The following MEI1 variants were observed in gnomAD, a reference collection of about 807,000 sequenced individuals.
MEI1 encodes meiotic double-stranded break formation protein 1.
A neutral mutation model predicts 146.2 loss-of-function variants in MEI1; 103 were observed. That is an observed-to-expected ratio of 0.70 (90% CI 0.60 to 0.83). MEI1 has a LOEUF of 0.83. Among genes scored for constraint, MEI1 ranks in the 40% least tolerant of loss-of-function variants. The probability of loss-of-function intolerance (pLI) is 0.00; values close to 1 mark genes in which losing one functional copy is unlikely to be tolerated. For missense variants in MEI1, 1,529 were observed against 1,533.0 expected, an observed-to-expected ratio of 1.00 and a Z score of 0.04; for synonymous variants, 652 against 628.2, an observed-to-expected ratio of 1.04 and a Z score of -0.57.
intron 1 of MEI1, 126 bp downstream of exon 1, chr22:41,699,838 C>T: frequency 1.7e-6 from 2 of 1,200,706 alleles, no homozygotes; most frequent in East Asian, 2.8e-5. Flanking sequence ...GCTGTGTTCA[C>T]TCTCCTCCCT....
In MEI1 at chr22:41,732,538, A is replaced by G. The variant is rs1218791899; in HGVS notation, c.1266A>G (p.Glu422=). The G allele has an allele frequency of 1.2e-6, 2 of 1,613,730 alleles. No individual in the cohort carries two copies. The highest frequency in any genetic ancestry group is 2.7e-5 in the African/African-American group (2 of 74,896). Residue 422 remains glutamate (E), a synonymous_variant, in exon 11 of 31, where the codon GAA becomes GAG. Coordinates refer to ENST00000401548, the MANE Select transcript of MEI1 (RefSeq NM_152513.4). ...GAGATGCTGGCCGTGCCCTCCAAGA[A>G]GCAGTTAGCAGCCCTGTGCTGGAGG... ...MCRDAGRALQ[E]AVSSPVLEVA...
At chr22:41,720,314 G>T (rs754527921) in intron 6 of MEI1, among the ~76,000 whole-genome samples, 3 of 152,132 alleles carry the variant, frequency 2.0e-5, no homozygotes, top group Admixed American at 6.5e-5. Context: ...GAACAAAAGG[G>T]TGCAAATACA....
chr22:41,763,639 C>T (rs1420900339), intron 19 of MEI1, among the ~76,000 whole-genome samples: 4 of 151,942 alleles, frequency 2.6e-5, no homozygotes, highest in South Asian at 2.1e-4. Flanking sequence ...CACTTGAGTT[C>T]GGGAGTGCAA....
chr22:41,717,618 C>CT (rs386395487), intron 5 of MEI1, among the ~76,000 whole-genome samples: 8,527 of 138,240 alleles, frequency 0.062, 809 homozygotes, highest in African/African-American at 0.2. Context: ...TTTTTCTTTT[C>CT]TTTTTTTTTT....
chr22:41,712,637 T>C (rs1450067736), intron 3 of MEI1, among the ~76,000 whole-genome samples: 2 of 150,526 alleles, frequency 1.3e-5, no homozygotes, highest in African/African-American at 4.9e-5. Context: ...GTATAAAACA[T>C]TTAAATATAT....
At chr22:41,732,412 C>T in intron 10 of MEI1, 57 bp from the exon 11 acceptor site, 4 of 1,613,482 alleles carry the variant, frequency 2.5e-6, no homozygotes, top group Non-Finnish European at 2.5e-6. Context: ...GGCTTTCACT[C>T]CTGGTGGGGT....
chr22:41,744,320 G>A (rs1157575823), intron 12 of MEI1, among the ~76,000 whole-genome samples: 3 of 151,902 alleles, frequency 2.0e-5, no homozygotes, highest in Non-Finnish European at 4.4e-5. Flanking sequence ...ACAGGTGCCC[G>A]CCACCATGCC....
In MEI1 at chr22:41,795,648, A is replaced by T; in HGVS notation, c.3667-87A>T. 6.3e-7 allele frequency: 1 copy of T among 1,589,332 alleles called. No homozygotes were observed. The highest frequency in any genetic ancestry group is 8.6e-7 in the Non-Finnish European group (1 of 1,164,422). On this transcript the variant is annotated intron_variant, in intron 29 of 30. Transcript: ENST00000401548. The surrounding 1 kb of genome is among the most constrained non-coding windows in gnomAD (Gnocchi z 4.2). ...GCCACAGCAACCAAGGAATGGGAGGAGGGAAGTACAGAGGATGGAGGCAGT... is the reference window on the plus strand; with the variant it reads ...GCCACAGCAACCAAGGAATGGGAGGTGGGAAGTACAGAGGATGGAGGCAGT...
In MEI1 at chr22:41,793,820, T is replaced by A. The variant is rs749176599; in HGVS notation, c.3346-9T>A. 1.7e-4 allele frequency: 274 copies of A among 1,571,522 alleles called. No homozygotes were observed. Among genetic ancestry groups the A allele is most frequent in the Non-Finnish European group, 2.3e-4 (264 of 1,166,616 alleles). ...AACCTGACCTGATTTTTTTTTTTTT[T>A]TTCTGCAGAAGGACCCTCTATTGTC... On this transcript the variant is annotated splice_polypyrimidine_tract_variant and intron_variant, in intron 26 of 30. Coordinates refer to ENST00000401548, the MANE Select transcript of MEI1 (RefSeq NM_152513.4).
At chr22:41,716,199 A>G in intron 5 of MEI1, 53 bp downstream of exon 5, 1 of 1,274,514 alleles carries the variant, frequency 7.8e-7, no homozygotes, top group South Asian at 1.3e-5. Flanking sequence ...CTTTTATCAT[A>G]CTGCCATTTG....
At chr22:41,757,321 C>T (rs932658871) in intron 17 of MEI1, among the ~76,000 whole-genome samples, 6 of 151,902 alleles carry the variant, frequency 3.9e-5, no homozygotes, top group East Asian at 3.9e-4. Context: ...GTCTTGATCT[C>T]GTGACCTCGT....
intron 30 of MEI1, among the ~76,000 whole-genome samples, chr22:41,797,543 C>T (rs886115822): frequency 6.6e-6 from 1 of 152,026 alleles, no homozygotes; most frequent in African/African-American, 2.4e-5. Flanking sequence ...ACTTGGGCGG[C>T]AGAGGTTGCA....
At chr22:41,733,368 G>A (rs1164837622) in intron 11 of MEI1, among the ~76,000 whole-genome samples, 1 of 152,088 alleles carries the variant, frequency 6.6e-6, no homozygotes, top group African/African-American at 2.4e-5. Context: ...AGGATTGCTT[G>A]AACCTGGGAA....
intron 9 of MEI1, among the ~76,000 whole-genome samples, chr22:41,731,754 T>C (rs2147581008): frequency 6.6e-6 from 1 of 152,286 alleles, no homozygotes; most frequent in Non-Finnish European, 1.5e-5. Flanking sequence ...CCTGGAGATT[T>C]AGAGATAACA....
intron 12 of MEI1, 82 bp from the exon 13 acceptor site, chr22:41,744,891 A>G: frequency 4.3e-6 from 3 of 698,398 alleles, no homozygotes; most frequent in Non-Finnish European, 6.4e-6. Flanking sequence ...TGTGAGAAGA[A>G]GAGGTCTACA....
chr22:41,724,542 T>C (rs1337678656), intron 7 of MEI1, among the ~76,000 whole-genome samples: 1 of 148,842 alleles, frequency 6.7e-6, no homozygotes, highest in Non-Finnish European at 1.5e-5. Flanking sequence ...GCCTTGAATC[T>C]GGGAGGCGGA....
chr22:41,702,046 T>G (rs1028044728), intron 1 of MEI1, among the ~76,000 whole-genome samples: 2 of 152,222 alleles, frequency 1.3e-5, no homozygotes, highest in African/African-American at 4.8e-5. Flanking sequence ...GATCACTACC[T>G]TAATCTATTA....
At chr22:41,778,632 G>A in intron 21 of MEI1, 76 bp from the exon 22 acceptor site, 1 of 1,153,232 alleles carries the variant, frequency 8.7e-7, no homozygotes, top group Non-Finnish European at 1.3e-6. Context: ...AAGGGCCATT[G>A]AAGCAGGGCA....
chr22:41,719,272 C>T (rs750168635), intron 6 of MEI1, among the ~76,000 whole-genome samples: 4 of 152,094 alleles, frequency 2.6e-5, no homozygotes, highest in South Asian at 4.1e-4. Flanking sequence ...TGAGCCACCG[C>T]GCCCGGCCGG....
Sources: allele counts gnomAD v4.1 joint callset (sites outside exome capture counted in the v4.1 genomes callset), GRCh38; gene constraint gnomAD v4.1.1; non-coding constraint Gnocchi (gnomAD v3.1); transcripts MANE v1.5; gene names NCBI Gene and HGNC (gene_info 2026-07-23, HGNC 2026-07-21).